Variants in RAB5A observed in about 807,000 individuals in gnomAD.
RAB5A encodes the protein ras-related protein Rab-5A.
In RAB5A, 8 loss-of-function variants were observed where a neutral mutation model predicts 25.7. The ratio of observed to expected loss-of-function variants is 0.31; its 90% CI spans 0.18 to 0.56. RAB5A has a LOEUF of 0.56. Among genes scored for constraint, RAB5A ranks in the 20% least tolerant of loss-of-function variants. The probability of loss-of-function intolerance (pLI) is 0.91; values close to 1 mark genes in which losing one functional copy is unlikely to be tolerated. For synonymous variants in RAB5A, 98 were observed against 89.8 expected (o/e 1.09, Z -0.52); for missense variants, 192 against 259.7 (o/e 0.74, Z 1.79).
chr3:19,948,697 A>C (rs991874474), intron 1 of RAB5A, among the ~76,000 whole-genome samples: 3 of 152,066 alleles, frequency 2.0e-5, no homozygotes, highest in African/African-American at 7.2e-5. Flanking sequence ...GCCACAATTA[A>C]GTAGCTTTAA....
chr3:19,957,799 ATG>A (rs1696526248), intron 2 of RAB5A, among the ~76,000 whole-genome samples: 1 of 152,146 alleles, frequency 6.6e-6, no homozygotes, highest in Non-Finnish European at 1.5e-5. Context: ...TCACCTCACA[ATG>A]TGTACATGTA....
At chr3:19,958,197 A>G (rs963794489) in intron 2 of RAB5A, among the ~76,000 whole-genome samples, 2 of 152,204 alleles carry the variant, frequency 1.3e-5, no homozygotes, top group Non-Finnish European at 2.9e-5. Flanking sequence ...ACTTTCTGAT[A>G]CATTGATAGT....
At chr3:19,961,724 C>G (rs555666833) in intron 2 of RAB5A, among the ~76,000 whole-genome samples, 1 of 152,304 alleles carries the variant, frequency 6.6e-6, no homozygotes, top group African/African-American at 2.4e-5. Flanking sequence ...CATCTTCTAT[C>G]TAGCCCACTC....
rs1696807298 is a variant in RAB5A at position 19,975,294 on chromosome 3, C to T, written c.164-307C>T. On this transcript the variant is annotated intron_variant, in intron 2 of 5. Transcript: ENST00000273047. ...TATTATAACAAGCTTTTTTAAGATG[C>T]AGAAGTTTTTCAATCTGTGATTTCA... 2.0e-5 allele frequency among the ~76,000 whole-genome samples: 3 copies of T among 151,418 alleles called. No homozygotes were observed. The South Asian group carries it at 6.2e-4, about 31-fold the overall frequency.
chr3:19,967,452 C>G (rs903181456), intron 2 of RAB5A, among the ~76,000 whole-genome samples: 1 of 152,140 alleles, frequency 6.6e-6, no homozygotes, highest in African/African-American at 2.4e-5. Context: ...GCCCTTTGTC[C>G]ATTTTCTAAT....
intron 2 of RAB5A, among the ~76,000 whole-genome samples, chr3:19,974,412 C>G (rs891275055): frequency 2.6e-5 from 4 of 152,054 alleles, no homozygotes; most frequent in Non-Finnish European, 4.4e-5. Flanking sequence ...CTCAGCCTCC[C>G]AGAGTGCTGG....
intron 5 of RAB5A, among the ~76,000 whole-genome samples, chr3:19,979,533 C>T (rs1336232436): frequency 1.3e-5 from 2 of 152,170 alleles, no homozygotes; most frequent in Non-Finnish European, 2.9e-5. Context: ...GATCCGCCCA[C>T]GTCAGCCTCC....
At chr3:19,969,051 T>TG (rs1559490162) in intron 2 of RAB5A, among the ~76,000 whole-genome samples, 12 of 142,556 alleles carry the variant, frequency 8.4e-5, no homozygotes, top group Admixed American at 2.8e-4. Context: ...TTTGGTTTTT[T>TG]TTTTTTTTTT....
intron 2 of RAB5A, among the ~76,000 whole-genome samples, chr3:19,951,528 C>CT (rs1162368247): frequency 6.6e-6 from 1 of 151,664 alleles, no homozygotes; most frequent in Non-Finnish European, 1.5e-5. Context: ...GCTAGATGTA[C>CT]TTTTTTTTGG....
Position 19,951,701 on chromosome 3 carries a change from G to GTTTTTTTTTTTTTTTTTTT in RAB5A, c.163+658_163+659insTTTTTTTTTTTTTTTTTTT, listed in dbSNP as rs61250458. Among the ~76,000 whole-genome samples, 36 of 98,996 alleles carry GTTTTTTTTTTTTTTTTTTT rather than the reference G, an allele frequency of 3.6e-4. 4 individuals carry two copies. The highest frequency in any genetic ancestry group is 1.0e-3 in the African/African-American group (25 of 24,390). 64.9% of individuals were successfully genotyped at this position (98,996 alleles called of 152,430 possible). On this transcript the variant is annotated intron_variant, in intron 2 of 5. Transcript: ENST00000273047. The stretch of plus-strand genomic sequence containing the variant: ...GGGTGCATGCCACCATGCCAGGCAA[G>GTTTTTTTTTTTTTTTTTTT]TTTTTTTTTTTTTTTTTTAAGAGTC...
rs1421769189 is a variant in RAB5A at position 19,983,361 on chromosome 3, A to AAG, written c.533-346_533-345insGA. ...ACTACATCTCAAAAAAAAAAAAAAA[A>AAG]AAGAAGTAATAATGAGTATAAAATA... On this transcript the variant is annotated intron_variant, in intron 5 of 5. Transcript: ENST00000273047. 1.6e-3 allele frequency among the ~76,000 whole-genome samples: 246 copies of AAG among 151,750 alleles called. 1 individual carries two copies. Among genetic ancestry groups the AAG allele is most frequent in the Non-Finnish European group, 2.9e-3 (196 of 67,904 alleles).
At chr3:19,969,402 T>C (rs1696712304) in intron 2 of RAB5A, among the ~76,000 whole-genome samples, 1 of 152,224 alleles carries the variant, frequency 6.6e-6, no homozygotes, top group South Asian at 2.1e-4. Flanking sequence ...ACTATGTGGA[T>C]GATTTCATTG....
At chr3:19,982,572 G>A (rs943598937) in intron 5 of RAB5A, among the ~76,000 whole-genome samples, 9 of 152,016 alleles carry the variant, frequency 5.9e-5, no homozygotes, top group African/African-American at 2.2e-4. Flanking sequence ...CTAAGCGGTC[G>A]AGCATGGTGG....
At chr3:19,952,510 A>G (rs929882179) in intron 2 of RAB5A, among the ~76,000 whole-genome samples, 1 of 152,232 alleles carries the variant, frequency 6.6e-6, no homozygotes, top group Non-Finnish European at 1.5e-5. Flanking sequence ...CATTTAGTGA[A>G]TGCTCTTCTG....
intron 2 of RAB5A, among the ~76,000 whole-genome samples, chr3:19,974,944 C>T (rs543898248): frequency 2.6e-5 from 4 of 152,122 alleles, no homozygotes; most frequent in African/African-American, 9.6e-5. Context: ...ATGCAGTCTT[C>T]GCTGGGCTTG....
At chr3:19,977,027 T>A (rs977203212) in intron 4 of RAB5A, among the ~76,000 whole-genome samples, 4 of 151,922 alleles carry the variant, frequency 2.6e-5, no homozygotes, top group African/African-American at 9.7e-5. Context: ...TGCTGCAAAA[T>A]AGGCAAGTGC....
intron 2 of RAB5A, among the ~76,000 whole-genome samples, chr3:19,955,857 A>AT (rs1322856882): frequency 6.6e-6 from 1 of 152,054 alleles, no homozygotes; most frequent in Non-Finnish European, 1.5e-5. Flanking sequence ...AGATCATGCC[A>AT]TTGCACTCCA....
intron 1 of RAB5A, 83 bp from the exon 2 acceptor site, chr3:19,950,723 A>G (rs1696410143): frequency 3.6e-6 from 2 of 561,818 alleles, no homozygotes; most frequent in East Asian, 2.8e-5. Context: ...TAAGATAATC[A>G]TGCTATAGGC....
intron 2 of RAB5A, among the ~76,000 whole-genome samples, chr3:19,963,972 T>A (rs1696626930): frequency 6.6e-6 from 1 of 152,222 alleles, no homozygotes; most frequent in Non-Finnish European, 1.5e-5. Flanking sequence ...ATTTAGTATG[T>A]AAGCTTACTG....
Sources: allele counts gnomAD v4.1 joint callset (sites outside exome capture counted in the v4.1 genomes callset), GRCh38; gene constraint gnomAD v4.1.1; transcripts MANE v1.5; gene names NCBI Gene and HGNC (gene_info 2026-07-23, HGNC 2026-07-21).